AMZ1: variants seen among roughly 807,000 people sequenced by gnomAD.
AMZ1 encodes the protein archaelysin family metallopeptidase 1.
AMZ1 carries 39 observed loss-of-function variants against 29.9 expected under a neutral mutation model. The ratio of observed to expected loss-of-function variants is 1.30; its 90% CI spans 1.01 to 1.70. The LOEUF (loss-of-function observed/expected upper bound fraction) is 1.70. Ranked by LOEUF, AMZ1 falls within the 40% of genes most tolerant of loss-of-function variation. The probability of loss-of-function intolerance (pLI) is 0.00; values close to 1 mark genes in which losing one functional copy is unlikely to be tolerated. For synonymous variants in AMZ1, 458 were observed against 304.0 expected (o/e 1.51, Z -5.27); for missense variants, 1,041 against 680.6 (o/e 1.53, Z -5.89).
rs541664589 is a variant in AMZ1, at chr7:2,746,252, T to C, written n.551-18460T>C. ...GCACCACACCACACCTATTCCAAAATTGACCACTTGATAGTTGGAAGTAAA... is the reference window on the plus strand; with the variant it reads ...GCACCACACCACACCTATTCCAAAACTGACCACTTGATAGTTGGAAGTAAA... On this transcript the variant is annotated intron_variant and non_coding_transcript_variant, in intron 4 of 4. Transcript: ENST00000489665. Among the ~76,000 whole-genome samples the C allele has an allele frequency of 8.5e-5, 13 of 152,270 alleles. No homozygotes were observed. In the East Asian group the frequency reaches 9.6e-4, roughly 11 times the overall value.
chr7:2,682,224 T>G (rs1164564114), intron 1 of AMZ1, among the ~76,000 whole-genome samples: 2 of 149,952 alleles, frequency 1.3e-5, no homozygotes, highest in African/African-American at 2.5e-5. Context: ...CCCCCCGCTC[T>G]TCGTGCTGGG....
upstream of AMZ1, among the ~76,000 whole-genome samples, chr7:2,761,794 A>G (rs760544919): frequency 6.6e-6 from 1 of 152,218 alleles, no homozygotes; most frequent in African/African-American, 2.4e-5. Context: ...TTAAAACGTG[A>G]AGAGATGACC....
intron 1 of AMZ1, among the ~76,000 whole-genome samples, chr7:2,699,910 T>G (rs540574312): frequency 4.6e-5 from 7 of 152,120 alleles, no homozygotes; most frequent in African/African-American, 1.4e-4. Flanking sequence ...TGGGGGCCCA[T>G]GGACACATGT....
At chr7:2,685,528 C>T (rs1329862214), upstream of AMZ1, among the ~76,000 whole-genome samples, 3 of 141,546 alleles carry the variant, frequency 2.1e-5, no homozygotes. Context: ...ACTTGTACTC[C>T]AGCTCTGGGC....
chr7:2,741,943 A>G (rs1280346422), intron 4 of AMZ1, among the ~76,000 whole-genome samples: 1 of 151,824 alleles, frequency 6.6e-6, no homozygotes, highest in Non-Finnish European at 1.5e-5. Context: ...TCCCTCCTCT[A>G]GCACAGAATT....
chr7:2,740,770 C>T (rs994257679), intron 4 of AMZ1, among the ~76,000 whole-genome samples: 4 of 152,134 alleles, frequency 2.6e-5, no homozygotes, highest in African/African-American at 7.2e-5. Flanking sequence ...TAGGGCTCGC[C>T]GCGGTGACTC....
At chr7:2,697,114 T>C (rs1787791044) in intron 1 of AMZ1, among the ~76,000 whole-genome samples, 1 of 152,210 alleles carries the variant, frequency 6.6e-6, no homozygotes, top group South Asian at 2.1e-4. Context: ...ATTTATTTTT[T>C]ATTTTTGAGA....
intron 4 of AMZ1, among the ~76,000 whole-genome samples, chr7:2,734,811 C>T (rs569970369): frequency 1.3e-5 from 2 of 152,314 alleles, no homozygotes; most frequent in Admixed American, 6.5e-5. Flanking sequence ...TGTGGCAGGA[C>T]GGGGCGAGCA....
chr7:2,740,030 G>A (rs1004449272), intron 4 of AMZ1, among the ~76,000 whole-genome samples: 9 of 152,222 alleles, frequency 5.9e-5, no homozygotes, highest in South Asian at 4.2e-4. Flanking sequence ...TCTCCACGGC[G>A]GCTGCACAAG....
intron 4 of AMZ1, among the ~76,000 whole-genome samples, chr7:2,742,887 G>C (rs1008456881): frequency 6.6e-6 from 1 of 152,212 alleles, no homozygotes; most frequent in African/African-American, 2.4e-5. Flanking sequence ...CTTGTGCCTA[G>C]TCACCCTGCT....
At position 2,718,401 on chromosome 7, in the gene AMZ1, T is replaced by C. The variant is rs1789254549; in HGVS notation, c.*5523T>C. 6.6e-6 allele frequency among the ~76,000 whole-genome samples: 1 copy of C among 152,150 alleles called. No homozygotes were observed. The highest frequency in any genetic ancestry group is 2.4e-5 in the African/African-American group (1 of 41,434). On this transcript the variant is annotated 3_prime_UTR_variant, in exon 7 of 7. Coordinates refer to ENST00000683327, the MANE Select transcript of AMZ1 (RefSeq NM_001384743.1). Reference sequence around the variant, plus strand: ...TTCTCGAGTCCAAGACCATCTCCCGTTCAAGGGCCCTCACCGCGCTTTGTG... The same window carrying C: ...TTCTCGAGTCCAAGACCATCTCCCGCTCAAGGGCCCTCACCGCGCTTTGTG...
intron 4 of AMZ1, among the ~76,000 whole-genome samples, chr7:2,753,592 A>G (rs923030806): frequency 2.0e-5 from 3 of 152,174 alleles, no homozygotes; most frequent in Admixed American, 6.5e-5. Flanking sequence ...TTACCAATCT[A>G]GAGACATTTT....
At position 2,716,799 on chromosome 7, in the gene AMZ1, C is replaced by T. The variant is rs1789148155; in HGVS notation, c.*3921C>T. 6.6e-6 allele frequency among the ~76,000 whole-genome samples: 1 copy of T among 151,990 alleles called. No individual in the cohort carries two copies. The highest frequency in any genetic ancestry group is 2.4e-5 in the African/African-American group (1 of 41,318). ...CTTCCTATGTAACGGAATTTTTTTACATCATCATCGAGTCTCGAAATGACC... is the reference window on the plus strand; with the variant it reads ...CTTCCTATGTAACGGAATTTTTTTATATCATCATCGAGTCTCGAAATGACC... On this transcript the variant is annotated 3_prime_UTR_variant, in exon 7 of 7. Coordinates refer to ENST00000683327, the MANE Select transcript of AMZ1 (RefSeq NM_001384743.1).
At chr7:2,747,657 G>C (rs112128484) in intron 4 of AMZ1, among the ~76,000 whole-genome samples, 1 of 152,184 alleles carries the variant, frequency 6.6e-6, no homozygotes, top group Non-Finnish European at 1.5e-5. Flanking sequence ...TATAGTGTTG[G>C]AAGTCCTAGG....
At position 2,716,170 on chromosome 7, in the gene AMZ1, A is replaced by G. The variant is rs1287012766; in HGVS notation, c.*3292A>G. ...AACACATGCCTTCTGAAGTGGCTAG[A>G]ATACACACTCCCACGTCACAGCCAT... On this transcript the variant is annotated 3_prime_UTR_variant, in exon 7 of 7. Coordinates refer to ENST00000683327, the MANE Select transcript of AMZ1 (RefSeq NM_001384743.1). 3 of 152,214 alleles carry G rather than the reference A, an allele frequency of 2.0e-5. No individual in the cohort carries two copies. The highest frequency in any genetic ancestry group is 4.4e-5 in the Non-Finnish European group (3 of 68,060). 9.4% of individuals were successfully genotyped at this position (152,214 alleles called of 1,614,324 possible). A position where few individuals can be genotyped will look rare whatever the true frequency, so the allele number is the denominator to read the frequency against.
chr7:2,741,479 G>C (rs901940026), intron 4 of AMZ1, among the ~76,000 whole-genome samples: 3 of 152,176 alleles, frequency 2.0e-5, no homozygotes, highest in African/African-American at 7.2e-5. Flanking sequence ...GTCACAGTTG[G>C]ACTGCCTGTT....
chr7:2,709,830 T>G lies in AMZ1; in HGVS notation c.948+14T>G. The G allele has an allele frequency of 6.2e-7, 1 of 1,610,712 alleles. No individual in the cohort carries two copies. On this transcript the variant is annotated intron_variant, in intron 6 of 6. Transcript: ENST00000683327. ...GAGAGGTACCAGGTGAGTGGCTGAG[T>G]TGCGCTGCCCGGCTGCTGGGACCTG... is the stretch of plus-strand genomic sequence containing the variant.
chr7:2,737,266 TTTG>T lies in AMZ1; in HGVS notation n.551-27443_551-27441del, dbSNP rs1246238346. Among the ~76,000 whole-genome samples, 2 of 66,120 alleles carry T rather than the reference TTTG, an allele frequency of 3.0e-5. 1 individual carries two copies. Among genetic ancestry groups the T allele is most frequent in the Non-Finnish European group, 7.0e-5 (2 of 28,642 alleles). The allele number at this position is 66,120 out of a possible 152,430, so 43.4% of individuals were successfully genotyped here. Reference sequence around the variant, plus strand: ...GCCCATTCAGGAGCTATCTCACAGTTTTGTTTTGTTTTTTTTTTTTTTGTTTTT... The same window carrying T: ...GCCCATTCAGGAGCTATCTCACAGTTTTTTGTTTTTTTTTTTTTTGTTTTT... On this transcript the variant is annotated intron_variant and non_coding_transcript_variant, in intron 4 of 4. Coordinates refer to the AMZ1 transcript ENST00000489665.
rs940120835 is a variant in AMZ1 at position 2,717,011 on chromosome 7, TAAG to T, written c.*4137_*4139del. Among the ~76,000 whole-genome samples the T allele has an allele frequency of 9.9e-5, 15 of 151,832 alleles. No homozygotes were observed. Among genetic ancestry groups the T allele is most frequent in the African/African-American group, 3.6e-4 (15 of 41,320 alleles). The stretch of plus-strand genomic sequence containing the variant: ...TGGAGCGGTCTGAGCAGGAAGAGAG[TAAG>T]AAGGCGCACGGACGCGGGAGGCCTG... On this transcript the variant is annotated 3_prime_UTR_variant, in exon 7 of 7. Coordinates refer to ENST00000683327, the MANE Select transcript of AMZ1 (RefSeq NM_001384743.1).
Sources: gnomAD v4.1 joint callset for allele counts (sites outside exome capture counted in the v4.1 genomes callset) on GRCh38, gnomAD v4.1.1 for gene constraint, MANE v1.5 for transcripts, NCBI Gene and HGNC (gene_info 2026-07-23, HGNC 2026-07-21) for gene names.